Variants in NUP188 observed in about 807,000 individuals in gnomAD.
NUP188 encodes the protein nucleoporin NUP188.
NUP188 carries 97 observed loss-of-function variants against 223.0 expected under a neutral mutation model. The ratio of observed to expected loss-of-function variants is 0.43; its 90% CI spans 0.37 to 0.51. The LOEUF is 0.51. NUP188 is among the 20% of genes least tolerant of loss of function. The pLI is 0.00. For missense variants in NUP188, 1,947 were observed against 2,175.6 expected (o/e 0.89, Z 2.09); for synonymous variants, 869 against 828.0 (o/e 1.05, Z -0.85).
chr9:128,986,267 A>G (rs1348506054), intron 20 of NUP188, among the ~76,000 whole-genome samples: 2 of 152,104 alleles, frequency 1.3e-5, no homozygotes, highest in African/African-American at 4.8e-5. Flanking sequence ...GCAATCCTCT[A>G]TCCTTTATGT....
At position 128,984,924 on chromosome 9, in the gene NUP188, G is replaced by C; in HGVS notation, c.1986G>C (p.Gly662=). 3.8e-5 allele frequency: 61 copies of C among 1,613,500 alleles called. No homozygotes were observed. Among genetic ancestry groups the C allele is most frequent in the Middle Eastern group, 1.7e-4 (1 of 6,060 alleles). ...MISAEGMNAG[G]YGNLLMNSEQ... ...GTGCGGAAGGGATGAATGCTGGAGG[G>C]TACGGAAACCTCTTGATGAACAGTG... The change falls in exon 20 of 44, where the codon GGG becomes GGC. Residue 662 remains glycine (G), a synonymous_variant. Transcript: ENST00000372577.
At chr9:128,980,767 T>C in intron 14 of NUP188, 42 bp downstream of exon 14, 2 of 1,599,176 alleles carry the variant, frequency 1.3e-6, no homozygotes, top group Non-Finnish European at 1.7e-6. Flanking sequence ...TGGGAGATTC[T>C]TTATGGAGAC....
At chr9:128,960,617 T>G (rs1841934689) in intron 8 of NUP188, among the ~76,000 whole-genome samples, 1 of 152,020 alleles carries the variant, frequency 6.6e-6, no homozygotes, top group Non-Finnish European at 1.5e-5. Flanking sequence ...AAAATTTAAG[T>G]GAAGAGAACT....
In NUP188 at chr9:128,968,637, T is replaced by G. The variant is rs1047020375; in HGVS notation, c.717T>G (p.Phe239Leu). The G allele has an allele frequency of 6.2e-7, 1 of 1,614,008 alleles. No homozygotes were observed. The highest frequency in any genetic ancestry group is 8.5e-7 in the Non-Finnish European group (1 of 1,179,980). The change falls in exon 9 of 44, where the codon TTT (phenylalanine) becomes TTG (leucine). Residue 239 changes from phenylalanine (F) to leucine (L), a missense_variant. Around this residue, in one of 3 missense-constraint regions of NUP188, gnomAD observed 817 missense variants for 865.8 expected, o/e 0.94. Transcript: ENST00000372577. ...PSDLLVLTKM[F>L]KEQGFGSRQT... ...ACTTACTTGTATTAACCAAGATGTT[T>G]AAAGAGCAAGGATTTGGTAGTAGGC...
At chr9:128,993,457 C>T in intron 26 of NUP188, 54 bp downstream of exon 26, 1 of 1,612,328 alleles carries the variant, frequency 6.2e-7, no homozygotes, top group South Asian at 1.1e-5. Context: ...GAGGCAGATG[C>T]TGGGCTCTGC....
intron 12 of NUP188, among the ~76,000 whole-genome samples, chr9:128,974,501 C>T (rs1842145532): frequency 6.7e-6 from 1 of 149,248 alleles, no homozygotes; most frequent in Admixed American, 6.8e-5. Flanking sequence ...GCTGGGATTA[C>T]AGGTGTGAGC....
rs780068039 is a variant in NUP188 at position 129,006,056 on chromosome 9, A to G, written c.4876A>G (p.Lys1626Glu). The change falls in exon 42 of 44, where the codon AAG becomes GAG. Residue 1626 changes from lysine to glutamate, a missense_variant. Physicochemically the swap from Lys to Glu is moderately conservative, Grantham distance 56. Around this residue, in one of 3 missense-constraint regions of NUP188, gnomAD observed 905 missense variants for 990.6 expected, o/e 0.91. Transcript: ENST00000372577. ...TACCCTTGCTTCTCTTCAGCTGGAC[A>G]AGAAAAAGGAGCCCCTCACCCAGGC... is the stretch of plus-strand genomic sequence containing the variant. ...VALNMLGELD[K>E]KKEPLTQAVG... 10 of 1,614,188 alleles carry G rather than the reference A, an allele frequency of 6.2e-6. No individual in the cohort carries two copies. The highest frequency in any genetic ancestry group is 7.6e-6 in the Non-Finnish European group (9 of 1,180,020).
At position 129,006,769 on chromosome 9, in the gene NUP188, A is replaced by G. The variant is rs562190281; in HGVS notation, c.*91A>G. 82 of 1,336,912 alleles carry G rather than the reference A, an allele frequency of 6.1e-5. 1 individual carries two copies. In the South Asian group the frequency reaches 6.2e-4, roughly 10 times the overall value. 82.8% of individuals were successfully genotyped at this position (1,336,912 alleles called of 1,614,324 possible). ...GCTGCTGGCTGCTAGGGCCTATACA[A>G]TGGAGGGCACCTCCTGTCACCCCCC... On this transcript the variant is annotated 3_prime_UTR_variant, in exon 44 of 44. Coordinates refer to ENST00000372577, the MANE Select transcript of NUP188 (RefSeq NM_015354.3).
intron 33 of NUP188, 127 bp from the exon 34 acceptor site, chr9:128,999,497 A>G (rs1842598879): frequency 1.7e-6 from 2 of 1,186,112 alleles, no homozygotes; most frequent in Admixed American, 2.2e-5. Flanking sequence ...CTCCTCTCCC[A>G]CTGGACAGAT....
At chr9:128,962,810 A>G (rs938564475) in intron 8 of NUP188, among the ~76,000 whole-genome samples, 1 of 152,214 alleles carries the variant, frequency 6.6e-6, no homozygotes, top group Admixed American at 6.6e-5. Context: ...GATAATATCT[A>G]AAAATTTACA....
chr9:128,948,365 G>A (rs944551500), intron 1 of NUP188: 9 of 152,226 alleles, frequency 5.9e-5, no homozygotes, highest in African/African-American at 2.2e-4. Context: ...AGGCTTTAGG[G>A]ACAAGAAGAT....
chr9:129,006,552 C>T lies in NUP188; in HGVS notation c.5124C>T (p.Ser1708=). 6.2e-7 allele frequency: 1 copy of T among 1,614,186 alleles called. No individual in the cohort carries two copies. The highest frequency in any genetic ancestry group is 2.2e-5 in the East Asian group (1 of 44,882). ...GCTACTTCCGCCGGGGAGCCCCCAG[C>T]TCCCCTGCCACTGGTGTCCTCCCCT... ...LSRYFRRGAP[S]SPATGVLPSP... is the part of the protein sequence containing the mutation. The change falls in exon 44 of 44, where the codon AGC becomes AGT. Residue 1708 remains serine (S), a synonymous_variant. Transcript: ENST00000372577.
intron 1 of NUP188, 30 bp downstream of exon 1, chr9:128,947,781 G>T (rs1244789790): frequency 3.6e-6 from 5 of 1,390,016 alleles, no homozygotes; most frequent in Non-Finnish European, 4.7e-6. Context: ...GACCGGGGTG[G>T]CTGTGAAGCG....
intron 8 of NUP188, among the ~76,000 whole-genome samples, chr9:128,967,744 C>T (rs973114892): frequency 1.7e-4 from 26 of 151,530 alleles, no homozygotes; most frequent in African/African-American, 6.3e-4. Context: ...GAGCCAAGAT[C>T]GCGCCATTGC....
chr9:129,006,555 C>T lies in NUP188; in HGVS notation c.5127C>T (p.Ser1709=). ...SRYFRRGAPS[S]PATGVLPSPQ... is the part of the protein sequence containing the mutation. ...ACTTCCGCCGGGGAGCCCCCAGCTC[C>T]CCTGCCACTGGTGTCCTCCCCTCGC... is the stretch of plus-strand genomic sequence containing the variant. The change falls in exon 44 of 44, where the codon TCC becomes TCT. Residue 1709 remains serine, a synonymous_variant. Coordinates refer to ENST00000372577, the MANE Select transcript of NUP188 (RefSeq NM_015354.3). 2 of 1,614,212 alleles carry T rather than the reference C, an allele frequency of 1.2e-6. No homozygotes were observed. The highest frequency in any genetic ancestry group is 1.7e-6 in the Non-Finnish European group (2 of 1,180,034).
At chr9:129,003,925 A>G (rs1252387495) in intron 38 of NUP188, 1 of 277,322 alleles carries the variant, frequency 3.6e-6, no homozygotes, top group Non-Finnish European at 6.8e-6. Context: ...GTGAGCTAGG[A>G]TCGAACCATT....
Position 129,005,382 on chromosome 9 carries a change from C to T in NUP188, c.4589C>T (p.Ser1530Phe), listed in dbSNP as rs1564569825. The T allele has an allele frequency of 6.2e-7, 1 of 1,613,418 alleles. No individual in the cohort carries two copies. The highest frequency in any genetic ancestry group is 2.2e-5 in the East Asian group (1 of 44,868). ...RPPSAASAAPSSSKQPAADTE... is the reference protein window; with the variant it reads ...RPPSAASAAPFSSKQPAADTE... Reference sequence around the variant, plus strand: ...CCGTCTGCTGCTTCTGCTGCCCCCTCCTCCTCAAAGCAGCCCGCTGCTGAC... The same window carrying T: ...CCGTCTGCTGCTTCTGCTGCCCCCTTCTCCTCAAAGCAGCCCGCTGCTGAC... The change falls in exon 40 of 44, where the codon TCC (serine) becomes TTC (phenylalanine). Residue 1530 changes from serine (S) to phenylalanine (F), a missense_variant. Physicochemically the swap from Ser to Phe is radical, Grantham distance 155. This residue lies in a region of NUP188 where 905 missense variants were observed against 990.6 expected (regional missense o/e 0.91). Coordinates refer to ENST00000372577, the MANE Select transcript of NUP188 (RefSeq NM_015354.3).
At chr9:128,962,638 C>T (rs1011627366) in intron 8 of NUP188, among the ~76,000 whole-genome samples, 1 of 151,956 alleles carries the variant, frequency 6.6e-6, no homozygotes, top group South Asian at 2.1e-4. Flanking sequence ...CCATCCTGGG[C>T]CACAGAGCGA....
At chr9:128,977,893 C>T (rs1220628078) in intron 12 of NUP188, among the ~76,000 whole-genome samples, 2 of 152,208 alleles carry the variant, frequency 1.3e-5, no homozygotes, top group African/African-American at 2.4e-5. Flanking sequence ...AATTTACAGT[C>T]TACTTCCTCA....
Sources: gnomAD v4.1 joint callset for allele counts (sites outside exome capture counted in the v4.1 genomes callset) on GRCh38, gnomAD v4.1.1 for gene constraint, gnomAD v4.1.1 regional missense constraint, MANE v1.5 for transcripts, NCBI Gene and HGNC (gene_info 2026-07-23, HGNC 2026-07-21) for gene names.